Variants in DPP10 observed in about 807,000 individuals in gnomAD.
DPP10 encodes dipeptidyl peptidase like 10, also known as inactive dipeptidyl peptidase 10.
Under a neutral mutation model 120.9 loss-of-function variants are expected in DPP10, and 33 were observed. The observed-to-expected ratio is 0.27, with a 90% CI of 0.21 to 0.37. The LOEUF is 0.37. Ranked by LOEUF, DPP10 falls within the 10% of genes least tolerant of loss-of-function variation. The pLI is 1.00. For missense variants in DPP10, 816 were observed against 942.8 expected (o/e 0.87, Z 1.76); for synonymous variants, 337 against 326.1 (o/e 1.03, Z -0.36).
At chr2:115,295,749 C>T (rs1166137656) in intron 1 of DPP10, among the ~76,000 whole-genome samples, 1 of 151,866 alleles carries the variant, frequency 6.6e-6, no homozygotes, top group Non-Finnish European at 1.5e-5. Flanking sequence ...GATGTCTTAG[C>T]TGTAGCTGCC....
intron 1 of DPP10, among the ~76,000 whole-genome samples, chr2:115,041,666 CTG>C (rs1410542607): frequency 2.0e-5 from 3 of 152,212 alleles, no homozygotes; most frequent in African/African-American, 7.2e-5. Flanking sequence ...CCCATTCACT[CTG>C]TTTTTCCACA....
chr2:114,610,935 T>C (rs1451674620), intron 1 of DPP10, among the ~76,000 whole-genome samples: 1 of 151,964 alleles, frequency 6.6e-6, no homozygotes, highest in Non-Finnish European at 1.5e-5. Context: ...ACCCAGGCTG[T>C]GTTTTAGCAG....
At chr2:114,544,115 A>G (rs757598611) in intron 1 of DPP10, among the ~76,000 whole-genome samples, 1 of 152,174 alleles carries the variant, frequency 6.6e-6, no homozygotes, top group Non-Finnish European at 1.5e-5. Flanking sequence ...TACTGCATAT[A>G]GTGTGCCATA....
At chr2:115,577,581 G>C in intron 5 of DPP10, among the ~76,000 whole-genome samples, 1 of 152,302 alleles carries the variant, frequency 6.6e-6, no homozygotes, top group Middle Eastern at 3.4e-3. Flanking sequence ...CTATAATAAA[G>C]TACTGTCGAT....
chr2:115,719,246 A>G (rs1425063671), intron 7 of DPP10, among the ~76,000 whole-genome samples: 4 of 152,212 alleles, frequency 2.6e-5, no homozygotes. Context: ...TAAGTGACTT[A>G]CATAATTATG....
intron 5 of DPP10, among the ~76,000 whole-genome samples, chr2:115,534,146 C>T (rs1258752169): frequency 6.6e-6 from 1 of 151,222 alleles, no homozygotes; most frequent in African/African-American, 2.4e-5. Context: ...TTTTAGGGTA[C>T]ATGTGCACAA....
chr2:114,960,866 A>C (rs568539944), intron 1 of DPP10, among the ~76,000 whole-genome samples: 1 of 152,078 alleles, frequency 6.6e-6, no homozygotes, highest in Non-Finnish European at 1.5e-5. Flanking sequence ...TAGCTGACCA[A>C]TTTGTTTTGG....
intron 21 of DPP10, among the ~76,000 whole-genome samples, chr2:115,832,781 G>A (rs1689065060): frequency 6.6e-6 from 1 of 151,972 alleles, no homozygotes; most frequent in African/African-American, 2.4e-5. Flanking sequence ...GTGATTGAAT[G>A]TGGGTCGGGG....
intron 1 of DPP10, among the ~76,000 whole-genome samples, chr2:114,767,207 C>A (rs12612397): frequency 0.018 from 610 of 33,086 alleles, no homozygotes; most frequent in African/African-American, 0.026. Flanking sequence ...AGGATAAAAG[C>A]AAAAAAAAAA....
At chr2:115,622,510 CTTTTTT>C (rs70941082) in intron 5 of DPP10, among the ~76,000 whole-genome samples, 4 of 117,446 alleles carry the variant, frequency 3.4e-5, no homozygotes, top group East Asian at 2.5e-4. Context: ...ATTTTATTGT[CTTTTTT>C]TTTTTTTTTT....
At chr2:114,443,735 T>C (rs976154379) in intron 1 of DPP10, among the ~76,000 whole-genome samples, 3 of 151,738 alleles carry the variant, frequency 2.0e-5, no homozygotes, top group Non-Finnish European at 4.4e-5. Context: ...AAACGTGATA[T>C]CCTGACAGGG....
intron 1 of DPP10, among the ~76,000 whole-genome samples, chr2:114,709,493 A>G (rs1318049458): frequency 6.6e-6 from 1 of 152,206 alleles, no homozygotes; most frequent in African/African-American, 2.4e-5. Context: ...ACACCAACAT[A>G]TCCTTTAAGG....
At position 114,993,259 on chromosome 2, in the gene DPP10, C is replaced by T. The variant is rs1000134916; in HGVS notation, c.61-315980C>T. On this transcript the variant is annotated intron_variant, in intron 1 of 25. Transcript: ENST00000410059. Reference sequence around the variant, plus strand: ...CAAAATGCAGTTTAGTATTTAGTTGCGTCTGTTATCTTTAATCCACTGTGA... The same window carrying T: ...CAAAATGCAGTTTAGTATTTAGTTGTGTCTGTTATCTTTAATCCACTGTGA... 5.9e-5 allele frequency among the ~76,000 whole-genome samples: 9 copies of T among 151,998 alleles called. No individual in the cohort carries two copies. In the East Asian group the frequency reaches 7.7e-4, roughly 13 times the overall value.
At chr2:114,723,099 C>G (rs1188800271) in intron 1 of DPP10, among the ~76,000 whole-genome samples, 1 of 152,174 alleles carries the variant, frequency 6.6e-6, no homozygotes, top group Non-Finnish European at 1.5e-5. Context: ...CATTCCCTAG[C>G]TCTGTCCAAC....
At chr2:115,571,413 ATTG>A (rs2081331286) in intron 5 of DPP10, among the ~76,000 whole-genome samples, 1 of 152,056 alleles carries the variant, frequency 6.6e-6, no homozygotes, top group Admixed American at 6.6e-5. Context: ...ACCAGTTTCT[ATTG>A]TTGCCATTTT....
In DPP10 at chr2:115,309,229, A is replaced by C. The variant is rs137990894; in HGVS notation, c.61-10A>C. ...GAATAATTACAAAACTTTTTTTTCT[A>C]TCTCGGTAGGAACTGGGAAGTAACA... is the stretch of plus-strand genomic sequence containing the variant. On this transcript the variant is annotated splice_polypyrimidine_tract_variant and intron_variant, in intron 1 of 25. Transcript: ENST00000410059. 7.5e-6 allele frequency: 12 copies of C among 1,605,950 alleles called. No homozygotes were observed. Among genetic ancestry groups the C allele is most frequent in the African/African-American group, 2.7e-5 (2 of 74,090 alleles).
At chr2:114,711,551 T>C (rs1181592565) in intron 1 of DPP10, among the ~76,000 whole-genome samples, 2 of 152,204 alleles carry the variant, frequency 1.3e-5, no homozygotes, top group African/African-American at 2.4e-5. Context: ...CATAAGACTG[T>C]TGTAAGCATT....
intron 1 of DPP10, among the ~76,000 whole-genome samples, chr2:115,230,640 T>C (rs1266430444): frequency 1.3e-5 from 2 of 152,080 alleles, no homozygotes; most frequent in Non-Finnish European, 2.9e-5. Context: ...TAATAAGTAT[T>C]GCATTTAATG....
chr2:114,571,326 T>C (rs1338177634), intron 1 of DPP10, among the ~76,000 whole-genome samples: 1 of 152,094 alleles, frequency 6.6e-6, no homozygotes, highest in Non-Finnish European at 1.5e-5. Context: ...TTCCTCCTGC[T>C]CCTGCCGTGT....
Sources: allele counts gnomAD v4.1 joint callset (sites outside exome capture counted in the v4.1 genomes callset), GRCh38; gene constraint gnomAD v4.1.1; transcripts MANE v1.5; gene names NCBI Gene and HGNC (gene_info 2026-07-23, HGNC 2026-07-21).